LARP1B: variants seen among roughly 807,000 people sequenced by gnomAD.
LARP1B encodes the protein la-related protein 1B.
LARP1B carries 76 observed loss-of-function variants against 114.2 expected under a neutral mutation model. The ratio of observed to expected loss-of-function variants is 0.67; its 90% CI spans 0.55 to 0.81. The LOEUF is 0.81. Among genes scored for constraint, LARP1B ranks in the 30% least tolerant of loss-of-function variants. LARP1B has a pLI of 0.00. For missense variants in LARP1B, 1,014 were observed against 1,075.8 expected (o/e 0.94, Z 0.80); for synonymous variants, 345 against 348.0 (o/e 0.99, Z 0.10).
At position 128,098,232 on chromosome 4, in the gene LARP1B, C is replaced by T. The variant is rs1307460822; in HGVS notation, c.715C>T (p.Arg239Trp). ...VENLERDFFL[R>W]GKMDEQGFLP... ...AAATTTGGAACGAGACTTCTTTCTT[C>T]GGGGAAAGATGGATGAACAAGGTTT... Residue 239 changes from arginine (R) to tryptophan (W), a missense_variant, in exon 8 of 20, where the codon CGG becomes TGG. By Grantham distance (101) the Arg-to-Trp change is moderately radical. Coordinates refer to ENST00000326639, the MANE Select transcript of LARP1B (RefSeq NM_018078.4). 2.5e-6 allele frequency: 4 copies of T among 1,613,000 alleles called. No individual in the cohort carries two copies. The highest frequency in any genetic ancestry group is 2.5e-6 in the Non-Finnish European group (3 of 1,179,094).
rs145241886 is a variant in LARP1B, at chr4:128,065,577, C to A, written c.-78+4176C>A. Among the ~76,000 whole-genome samples the A allele has an allele frequency of 8.6e-4, 130 of 151,880 alleles. 1 individual carries two copies. In the East Asian group the frequency reaches 0.024, roughly 28 times the overall value. On this transcript the variant is annotated intron_variant, in intron 1 of 19. Coordinates refer to ENST00000326639, the MANE Select transcript of LARP1B (RefSeq NM_018078.4). Reference sequence around the variant, plus strand: ...ATTTGCAGTTAAATAACTTAGGTAACTTAGATAAAAGAGATTGTGGTGTAG... The same window carrying A: ...ATTTGCAGTTAAATAACTTAGGTAAATTAGATAAAAGAGATTGTGGTGTAG...
chr4:128,067,352 A>G (rs1488578914), intron 1 of LARP1B, among the ~76,000 whole-genome samples: 1 of 152,182 alleles, frequency 6.6e-6, no homozygotes, highest in African/African-American at 2.4e-5. Context: ...TACTCTGTTA[A>G]TGAGGTAAAG....
In LARP1B at chr4:128,091,062, G is replaced by A; in HGVS notation, c.420G>A (p.Glu140=). ...DQDDVSSVRS[E]GGNIRGSFRG... is the part of the protein sequence containing the mutation. ...ATGACGTTTCCAGTGTGAGAAGTGA[G>A]GGTGGTAATATCCGAGGTTCCTTTA... Residue 140 remains glutamate, a synonymous_variant, in exon 6 of 20, where the codon GAG becomes GAA. Transcript: ENST00000326639. 2 of 1,613,954 alleles carry A rather than the reference G, an allele frequency of 1.2e-6. No individual in the cohort carries two copies. The highest frequency in any genetic ancestry group is 1.7e-5 in the Admixed American group (1 of 60,004).
At chr4:128,171,102 G>C (rs867302589) in intron 12 of LARP1B, among the ~76,000 whole-genome samples, 5 of 132,720 alleles carry the variant, frequency 3.8e-5, no homozygotes, top group African/African-American at 1.4e-4. Context: ...AACCTCCATA[G>C]AGATTTTTTT....
intron 11 of LARP1B, chr4:128,122,748 GGGT>G (rs1788423794): frequency 8.3e-7 from 1 of 1,207,294 alleles, no homozygotes; most frequent in South Asian, 4.1e-5. Flanking sequence ...TGTGGTGCTA[GGGT>G]TACTTTTTAC....
intron 7 of LARP1B, among the ~76,000 whole-genome samples, chr4:128,095,014 G>A (rs1777385855): frequency 6.6e-6 from 1 of 152,222 alleles, no homozygotes; most frequent in Non-Finnish European, 1.5e-5. Flanking sequence ...GCCTCTCAAA[G>A]TGTGGAAATG....
At chr4:128,098,979 T>A (rs750005071) in intron 8 of LARP1B, among the ~76,000 whole-genome samples, 2 of 150,676 alleles carry the variant, frequency 1.3e-5, no homozygotes, top group Non-Finnish European at 3.0e-5. Context: ...GGCTTCACTA[T>A]CTTGGCCAGG....
chr4:128,098,925 G>A (rs1376286178), intron 8 of LARP1B, among the ~76,000 whole-genome samples: 2 of 149,676 alleles, frequency 1.3e-5, no homozygotes, highest in Non-Finnish European at 3.0e-5. Context: ...CTACAAGCAC[G>A]CACCATCATG....
rs903499066 is a variant in LARP1B at position 128,165,236 on chromosome 4, C to G, written c.1648+2919C>G. Among the ~76,000 whole-genome samples the G allele has an allele frequency of 2.6e-5, 4 of 151,094 alleles. No individual in the cohort carries two copies. The East Asian group carries it at 7.7e-4, about 29-fold the overall frequency. ...TTATGTATGTATTGGTCTAGTTGGT[C>G]GGTATGAGTGTGTATCAGCTCTATT... On this transcript the variant is annotated intron_variant, in intron 12 of 19. Transcript: ENST00000326639.
chr4:128,062,611 A>C (rs1346682128), intron 1 of LARP1B, among the ~76,000 whole-genome samples: 1 of 43,344 alleles, frequency 2.3e-5, no homozygotes, highest in East Asian at 1.0e-3. Context: ...TTTTTTTTTT[A>C]CATAAAAGGA....
intron 11 of LARP1B, chr4:128,123,496 C>T (rs1788640241): frequency 6.9e-6 from 4 of 583,742 alleles, no homozygotes; most frequent in Non-Finnish European, 6.5e-6. Context: ...TTGTTTTTCA[C>T]CATAGCATAT....
intron 10 of LARP1B, 107 bp downstream of exon 10, chr4:128,114,849 A>G: frequency 1.1e-6 from 1 of 936,442 alleles, no homozygotes; most frequent in South Asian, 1.9e-5. Context: ...AAAGTTTAGC[A>G]CAATTTTAAC....
At chr4:128,070,118 A>G (rs967660525) in intron 1 of LARP1B, among the ~76,000 whole-genome samples, 1 of 152,102 alleles carries the variant, frequency 6.6e-6, no homozygotes, top group Non-Finnish European at 1.5e-5. Flanking sequence ...GGAAATCGAG[A>G]CCATCCTGTC....
At chr4:128,114,441 G>C in intron 9 of LARP1B, 129 bp from the exon 10 acceptor site, 2 of 674,562 alleles carry the variant, frequency 3.0e-6, no homozygotes, top group Non-Finnish European at 2.5e-6. Context: ...TCACTGGAAA[G>C]CTTACAGTTG....
chr4:128,168,912 A>T (rs577787196), intron 12 of LARP1B, among the ~76,000 whole-genome samples: 17 of 152,228 alleles, frequency 1.1e-4, no homozygotes, highest in African/African-American at 4.1e-4. Flanking sequence ...ACACATTGGT[A>T]GCATTCCCAA....
chr4:128,120,155 T>C (rs1787405368), intron 10 of LARP1B, among the ~76,000 whole-genome samples: 1 of 152,234 alleles, frequency 6.6e-6, no homozygotes, highest in African/African-American at 2.4e-5. Context: ...TTAAATTTAT[T>C]GCTGTCTGTC....
In LARP1B at chr4:128,121,983, T is replaced by G; in HGVS notation, c.1319T>G (p.Ile440Ser). 1 of 1,613,110 alleles carries G rather than the reference T, an allele frequency of 6.2e-7. No homozygotes were observed. Among genetic ancestry groups the G allele is most frequent in the Non-Finnish European group, 8.5e-7 (1 of 1,179,966 alleles). ...TCTGATAATGATTCAGATTATGAAA[T>G]TGATGACCAAGACTTAAACAAGATT... ...DWSDNDSDYE[I>S]DDQDLNKILI... The change falls in exon 11 of 20, where the codon ATT (isoleucine) becomes AGT (serine). Residue 440 changes from isoleucine (I) to serine (S), a missense_variant. Physicochemically the swap from Ile to Ser is moderately radical, Grantham distance 142. Coordinates refer to ENST00000326639, the MANE Select transcript of LARP1B (RefSeq NM_018078.4).
intron 11 of LARP1B, chr4:128,122,612 A>G (rs1380566580): frequency 1.2e-5 from 17 of 1,476,186 alleles, no homozygotes; most frequent in East Asian, 2.5e-5. Context: ...TTTAGAGAGC[A>G]CTCTTCTTGC....
intron 3 of LARP1B, 151 bp downstream of exon 3, chr4:128,075,144 C>T (rs1767303923): frequency 1.6e-6 from 1 of 613,882 alleles, no homozygotes; most frequent in Non-Finnish European, 2.9e-6. Flanking sequence ...GCTCTGTCTC[C>T]AGGCTGGAGT....
Sources: gnomAD v4.1 joint callset for allele counts (sites outside exome capture counted in the v4.1 genomes callset) on GRCh38, gnomAD v4.1.1 for gene constraint, MANE v1.5 for transcripts, NCBI Gene and HGNC (gene_info 2026-07-23, HGNC 2026-07-21) for gene names.